Variants in SPTBN1 observed in about 807,000 individuals in gnomAD.
SPTBN1 encodes the protein spectrin beta, non-erythrocytic 1.
Under a neutral mutation model 266.4 loss-of-function variants are expected in SPTBN1, and 32 were observed. The observed-to-expected ratio is 0.12, with a 90% CI of 0.09 to 0.16. The LOEUF is 0.16. SPTBN1 is among the 10% of genes least tolerant of loss of function. SPTBN1 has a pLI of 1.00. For synonymous variants in SPTBN1, 1,336 were observed against 1,162.2 expected, an observed-to-expected ratio of 1.15 and a Z score of -3.04; for missense variants, 2,296 against 3,067.1, an observed-to-expected ratio of 0.75 and a Z score of 5.94.
In SPTBN1 at chr2:54,628,329, G is replaced by C; in HGVS notation, c.1798+79G>C. 1 of 1,469,078 alleles carries C rather than the reference G, an allele frequency of 6.8e-7. No homozygotes were observed. Among genetic ancestry groups the C allele is most frequent in the Admixed American group, 2.4e-5 (1 of 42,460 alleles). 91.0% of individuals were successfully genotyped at this position (1,469,078 alleles called of 1,614,324 possible). On this transcript the variant is annotated intron_variant, in intron 13 of 35. Coordinates refer to ENST00000356805, the MANE Select transcript of SPTBN1 (RefSeq NM_003128.3). The surrounding 1 kb of genome is among the most constrained non-coding windows in gnomAD (Gnocchi z 4.3). Reference sequence around the variant, plus strand: ...ATAGAAACACAGTGGGGCTTTTGAAGTTACTGTGCCACTATACATTCCTGG... The same window carrying C: ...ATAGAAACACAGTGGGGCTTTTGAACTTACTGTGCCACTATACATTCCTGG...
intron 4 of SPTBN1, among the ~76,000 whole-genome samples, chr2:54,613,057 A>G (rs975652702): frequency 6.6e-6 from 1 of 152,184 alleles, no homozygotes; most frequent in Non-Finnish European, 1.5e-5. Context: ...CCAGGGCTAT[A>G]GTGGGTGCCT....
At chr2:54,485,390 A>C (rs868449936) in intron 1 of SPTBN1, among the ~76,000 whole-genome samples, 1 of 152,100 alleles carries the variant, frequency 6.6e-6, no homozygotes, top group South Asian at 2.1e-4. Flanking sequence ...ACAGGGTTTC[A>C]CTGTGTTGGC....
chr2:54,637,876 G>A, intron 18 of SPTBN1, 73 bp downstream of exon 18: 2 of 1,267,022 alleles, frequency 1.6e-6, no homozygotes, highest in Non-Finnish European at 2.2e-6. Context: ...TAGCACAAGA[G>A]CCTTTTGAAT....
intron 2 of SPTBN1, among the ~76,000 whole-genome samples, chr2:54,597,738 C>T (rs146828221): frequency 2.6e-5 from 4 of 152,308 alleles, no homozygotes; most frequent in Admixed American, 6.5e-5. Flanking sequence ...GTTTGCTGTC[C>T]TTCTGGCCAA....
intron 2 of SPTBN1, among the ~76,000 whole-genome samples, chr2:54,591,761 C>T (rs752143088): frequency 2.6e-5 from 4 of 152,164 alleles, no homozygotes; most frequent in East Asian, 1.9e-4. Flanking sequence ...AGAAAGATGC[C>T]GTACAATCAT....
chr2:54,516,222 A>G (rs1478228921), intron 1 of SPTBN1: 1 of 152,122 alleles, frequency 6.6e-6, no homozygotes, highest in Non-Finnish European at 1.5e-5. Context: ...TTCCTGTGCC[A>G]CCACCAGCAA....
rs1679834664 is a variant in SPTBN1 at position 54,645,140 on chromosome 2, C to T, written c.4270-89C>T. 2 of 1,440,288 alleles carry T rather than the reference C, an allele frequency of 1.4e-6. No homozygotes were observed. The highest frequency in any genetic ancestry group is 1.9e-6 in the Non-Finnish European group (2 of 1,043,510). 89.2% of individuals were successfully genotyped at this position (1,440,288 alleles called of 1,614,324 possible). On this transcript the variant is annotated intron_variant, in intron 20 of 35. Coordinates refer to ENST00000356805, the MANE Select transcript of SPTBN1 (RefSeq NM_003128.3). This position sits in a 1 kb window ranked among gnomAD's most constrained non-coding sequence, Gnocchi z 4.3. ...TCCCATGGCTGGCTTTGCGGTGTGGCCAAGTCCCAGGCCCAGCAGTTCTGC... is the reference window on the plus strand; with the variant it reads ...TCCCATGGCTGGCTTTGCGGTGTGGTCAAGTCCCAGGCCCAGCAGTTCTGC...
In SPTBN1 at chr2:54,628,492, G is replaced by T. The variant is rs989742802; in HGVS notation, c.1798+242G>T. Among the ~76,000 whole-genome samples the T allele has an allele frequency of 6.6e-6, 1 of 152,166 alleles. No individual in the cohort carries two copies. Among genetic ancestry groups the T allele is most frequent in the Non-Finnish European group, 1.5e-5 (1 of 68,030 alleles). On this transcript the variant is annotated intron_variant, in intron 13 of 35. Transcript: ENST00000356805. This position sits in a 1 kb window ranked among gnomAD's most constrained non-coding sequence, Gnocchi z 4.3. The stretch of plus-strand genomic sequence containing the variant: ...GCTTTGAGTGGCTTGGTGTTTGGCA[G>T]TGAGACTTTGTCATACCTCAGTCTC...
Position 54,650,007 on chromosome 2 carries a change from C to T in SPTBN1, c.5577+18C>T. On this transcript the variant is annotated intron_variant, in intron 26 of 35. Coordinates refer to ENST00000356805, the MANE Select transcript of SPTBN1 (RefSeq NM_003128.3). ...GCACACAGGTGGGTATGGCAGCCAC[C>T]CAGGGGTGCTGGGGAGGCTTTTTCT... The T allele has an allele frequency of 1.3e-6, 2 of 1,593,394 alleles. No individual in the cohort carries two copies. Among genetic ancestry groups the T allele is most frequent in the South Asian group, 1.1e-5 (1 of 89,810 alleles).
Position 54,624,931 on chromosome 2 carries a change from G to C in SPTBN1, c.1310G>C (p.Trp437Ser). The C allele has an allele frequency of 6.2e-7, 1 of 1,608,988 alleles. No homozygotes were observed. Among genetic ancestry groups the C allele is most frequent in the Non-Finnish European group, 8.5e-7 (1 of 1,177,682 alleles). ...FDRKAAMRET[W>S]LSENQRLVSQ... ...CGCAAGGCAGCTATGAGGGAGACTT[G>C]GCTGAGCGAAAACCAGCGTCTGGTG... The change falls in exon 11 of 36, where the codon TGG (tryptophan) becomes TCG (serine). Residue 437 changes from tryptophan to serine, a missense_variant. Transcript: ENST00000356805.
intron 2 of SPTBN1, among the ~76,000 whole-genome samples, chr2:54,549,324 C>G (rs1195213742): frequency 6.6e-6 from 1 of 150,462 alleles, no homozygotes; most frequent in Non-Finnish European, 1.5e-5. Flanking sequence ...TGTATCTGTC[C>G]TAAAACAGTT....
chr2:54,530,981 A>G (rs1054540833), intron 2 of SPTBN1, among the ~76,000 whole-genome samples: 1 of 152,126 alleles, frequency 6.6e-6, no homozygotes, highest in Non-Finnish European at 1.5e-5. Context: ...AGCATCATCC[A>G]CTCATCTGTG....
chr2:54,559,878 C>T (rs1317926996), intron 2 of SPTBN1, among the ~76,000 whole-genome samples: 1 of 152,170 alleles, frequency 6.6e-6, no homozygotes, highest in East Asian at 1.9e-4. Flanking sequence ...GGAAGCCGCT[C>T]AGCCCTAGAA....
intron 1 of SPTBN1, among the ~76,000 whole-genome samples, chr2:54,470,424 A>G (rs1265762147): frequency 6.6e-6 from 1 of 152,198 alleles, no homozygotes; most frequent in East Asian, 1.9e-4. Context: ...AGTCTCCTCA[A>G]CTTTTAAAGT....
At chr2:54,654,859 C>T (rs1680544999) in intron 27 of SPTBN1, among the ~76,000 whole-genome samples, 1 of 152,246 alleles carries the variant, frequency 6.6e-6, no homozygotes, top group African/African-American at 2.4e-5. Flanking sequence ...CCATATTCTA[C>T]AGTTTGGTTA....
chr2:54,459,015 A>G (rs1368416253), intron 1 of SPTBN1, among the ~76,000 whole-genome samples: 1 of 152,198 alleles, frequency 6.6e-6, no homozygotes, highest in Non-Finnish European at 1.5e-5. Flanking sequence ...GTTGTGTAAA[A>G]TCGTGTTGCG....
chr2:54,578,158 C>T (rs989452846), intron 2 of SPTBN1, among the ~76,000 whole-genome samples: 1 of 152,140 alleles, frequency 6.6e-6, no homozygotes, highest in Admixed American at 6.5e-5. Flanking sequence ...ATAAACTGTA[C>T]TGGCACTGAA....
At chr2:54,509,324 T>C (rs1239719445) in intron 1 of SPTBN1, among the ~76,000 whole-genome samples, 1 of 152,066 alleles carries the variant, frequency 6.6e-6, no homozygotes, top group African/African-American at 2.4e-5. Flanking sequence ...ATGGTAACTG[T>C]GGGAGACTCA....
chr2:54,472,022 G>GTTTATTT (rs1693949855), intron 1 of SPTBN1, among the ~76,000 whole-genome samples: 1 of 66,802 alleles, frequency 1.5e-5, no homozygotes, highest in Non-Finnish European at 2.6e-5. Context: ...CCCTGAAGAT[G>GTTTATTT]TTTTTTTTTT....
Sources: allele counts gnomAD v4.1 joint callset (sites outside exome capture counted in the v4.1 genomes callset), GRCh38; gene constraint gnomAD v4.1.1; non-coding constraint Gnocchi (gnomAD v3.1); transcripts MANE v1.5; gene names NCBI Gene and HGNC (gene_info 2026-07-23, HGNC 2026-07-21).